The following BCR variants were observed in gnomAD, a reference collection of about 807,000 sequenced individuals.
The protein encoded by BCR is BCR activator of RhoGEF and GTPase.
A neutral mutation model predicts 138.6 loss-of-function variants in BCR; 58 were observed. That is an observed-to-expected ratio of 0.42 (90% CI 0.34 to 0.52). BCR has a LOEUF of 0.52. Ranked by LOEUF, BCR falls within the 20% of genes least tolerant of loss-of-function variation. The pLI is 0.06. For synonymous variants in BCR, 786 were observed against 730.1 expected, an observed-to-expected ratio of 1.08 and a Z score of -1.23; for missense variants, 1,599 against 1,727.2, an observed-to-expected ratio of 0.93 and a Z score of 1.32.
intron 1 of BCR, chr22:23,216,899 A>G: frequency 3.6e-6 from 1 of 278,194 alleles, no homozygotes; most frequent in Non-Finnish European, 7.4e-6. Flanking sequence ...GGGCTTCCTG[A>G]GGCCTGGGCT....
At chr22:23,274,326 T>G (rs559340148) in intron 8 of BCR, among the ~76,000 whole-genome samples, 1 of 152,236 alleles carries the variant, frequency 6.6e-6, no homozygotes, top group Non-Finnish European at 1.5e-5. Flanking sequence ...ATGTACTCTG[T>G]GTGCACATCA....
intron 8 of BCR, among the ~76,000 whole-genome samples, 165 bp downstream of exon 8, chr22:23,273,939 G>A (rs1387789434): frequency 6.6e-6 from 1 of 152,194 alleles, no homozygotes; most frequent in Non-Finnish European, 1.5e-5. Context: ...AGGTGTCTGG[G>A]TGCAGTCTCA....
chr22:23,290,804 C>G (rs1349847849), intron 14 of BCR: 3 of 238,602 alleles, frequency 1.3e-5, no homozygotes, highest in South Asian at 6.7e-5. Context: ...GCTGCTCTGT[C>G]GAGCTGGATG....
chr22:23,299,082 C>T (rs530192342), intron 16 of BCR, among the ~76,000 whole-genome samples: 60 of 152,280 alleles, frequency 3.9e-4, no homozygotes, highest in African/African-American at 1.3e-3. Flanking sequence ...CTGCAAGCTC[C>T]GCCTCCTGGG....
intron 1 of BCR, chr22:23,198,227 T>G (rs2071431): frequency 0.28 from 117,635 of 422,304 alleles, 17,083 homozygotes; most frequent in East Asian, 0.36. Context: ...AGGGAGGAGG[T>G]GGGTGGGGAT....
intron 16 of BCR, among the ~76,000 whole-genome samples, chr22:23,299,823 G>A (rs1274616000): frequency 6.6e-6 from 1 of 152,048 alleles, no homozygotes; most frequent in African/African-American, 2.4e-5. Flanking sequence ...TCCCAGGGGT[G>A]GCTGGGGCGG....
intron 1 of BCR, among the ~76,000 whole-genome samples, chr22:23,251,434 G>C (rs1023143490): frequency 3.3e-5 from 5 of 152,220 alleles, no homozygotes; most frequent in Non-Finnish European, 5.9e-5. Flanking sequence ...CTGTTAGAGG[G>C]TGCTGAGTCC....
intron 1 of BCR, among the ~76,000 whole-genome samples, chr22:23,186,324 A>G (rs1430311333): frequency 1.3e-5 from 2 of 152,230 alleles, no homozygotes; most frequent in East Asian, 3.8e-4. Context: ...AACTTTTAAA[A>G]AGTTTGGTAA....
chr22:23,289,491 G>C, intron 12 of BCR, 26 bp from the exon 13 acceptor site: 13 of 1,588,684 alleles, frequency 8.2e-6, no homozygotes, highest in Non-Finnish European at 1.1e-5. Flanking sequence ...TTGACCAATT[G>C]GTGCACCTCT....
intron 1 of BCR, among the ~76,000 whole-genome samples, chr22:23,224,885 CA>C (rs1568941830): frequency 2.0e-5 from 3 of 152,066 alleles, no homozygotes; most frequent in South Asian, 2.1e-4. Flanking sequence ...CCATCCCCCC[CA>C]AAAAAACAAA....
In BCR at chr22:23,315,502, C is replaced by G; in HGVS notation, c.3796C>G (p.Leu1266Val). Residue 1266 changes from leucine (L) to valine (V), a missense_variant, in exon 23 of 23, where the codon CTG becomes GTG. Coordinates refer to ENST00000305877, the MANE Select transcript of BCR (RefSeq NM_004327.4). ...PAPDSKRQSI[L>V]FSTEV is the part of the protein sequence containing the mutation. ...CCCGGACAGCAAGAGACAGAGCATC[C>G]TGTTCTCCACCGAAGTCTAAAGGTC... 1 of 1,612,502 alleles carries G rather than the reference C, an allele frequency of 6.2e-7. No homozygotes were observed. The highest frequency in any genetic ancestry group is 1.1e-5 in the South Asian group (1 of 91,006).
intron 14 of BCR, 51 bp downstream of exon 14, chr22:23,290,464 A>C: frequency 6.4e-7 from 1 of 1,569,914 alleles, no homozygotes. Flanking sequence ...CAGGGTCTCC[A>C]CCCAGGAAGG....
At chr22:23,266,047 T>C (rs1421564010) in intron 4 of BCR, among the ~76,000 whole-genome samples, 1 of 152,170 alleles carries the variant, frequency 6.6e-6, no homozygotes, top group Non-Finnish European at 1.5e-5. Context: ...TCTGTACCAG[T>C]TCCTTAGACT....
chr22:23,282,279 T>A (rs1450279576), intron 8 of BCR, among the ~76,000 whole-genome samples: 3 of 152,358 alleles, frequency 2.0e-5, no homozygotes, highest in African/African-American at 4.8e-5. Context: ...ACATGCTGTT[T>A]CTTGCTTCCC....
rs35537221 is a variant in BCR, at chr22:23,290,360, A to T, written c.2729A>T (p.Tyr910Phe). 2.0e-5 allele frequency: 33 copies of T among 1,613,882 alleles called. No homozygotes were observed. The African/African-American group carries it at 2.8e-4, about 14-fold the overall frequency. The change falls in exon 14 of 23, where the codon TAT (tyrosine) becomes TTT (phenylalanine). Residue 910 changes from tyrosine to phenylalanine, a missense_variant. Around this residue, in one of 4 missense-constraint regions of BCR, gnomAD observed 590 missense variants for 762.4 expected, o/e 0.77. Transcript: ENST00000305877. ...GCAGATGATGAGTCTCCGGGGCTCTATGGGTTTCTGAATGTCATCGTCCAC... is the reference window on the plus strand; with the variant it reads ...GCAGATGATGAGTCTCCGGGGCTCTTTGGGTTTCTGAATGTCATCGTCCAC... ...NKEDDESPGL[Y>F]GFLNVIVHSA...
At chr22:23,306,116 A>T (rs1416373163) in intron 16 of BCR, 1 of 152,234 alleles carries the variant, frequency 6.6e-6, no homozygotes. Context: ...GCCTTGGGAC[A>T]GCCTTTCCCA....
chr22:23,181,092 C>T lies in BCR; in HGVS notation c.132C>T (p.Arg44=). 6.6e-7 allele frequency: 1 copy of T among 1,515,072 alleles called. No homozygotes were observed. The highest frequency in any genetic ancestry group is 8.9e-7 in the Non-Finnish European group (1 of 1,125,432). The allele number at this position is 1,515,072 out of a possible 1,614,324, so 93.9% of individuals were successfully genotyped here. Residue 44 remains arginine, a synonymous_variant, in exon 1 of 23, where the codon CGC becomes CGT. Transcript: ENST00000305877. ...ELERCKASIR[R]LEQEVNQERF... Reference sequence around the variant, plus strand: ...AGCGCTGCAAGGCCTCCATTCGGCGCCTGGAGCAGGAGGTGAACCAGGAGC... The same window carrying T: ...AGCGCTGCAAGGCCTCCATTCGGCGTCTGGAGCAGGAGGTGAACCAGGAGC...
intron 4 of BCR, 100 bp downstream of exon 4, chr22:23,261,640 C>T (rs2073358002): frequency 4.5e-6 from 6 of 1,338,126 alleles, no homozygotes; most frequent in South Asian, 2.6e-5. Flanking sequence ...CTATGTTGGC[C>T]AGGCTGGTCT....
chr22:23,209,245 A>T (rs1278815150), intron 1 of BCR, among the ~76,000 whole-genome samples: 1 of 151,836 alleles, frequency 6.6e-6, no homozygotes, highest in African/African-American at 2.4e-5. Context: ...CTCTAGTCTC[A>T]GCTACTTGGG....
Sources: allele counts gnomAD v4.1 joint callset (sites outside exome capture counted in the v4.1 genomes callset), GRCh38; gene constraint gnomAD v4.1.1; regional missense constraint gnomAD v4.1.1; transcripts MANE v1.5; gene names NCBI Gene and HGNC (gene_info 2026-07-23, HGNC 2026-07-21).